ACTR3C: variants seen among roughly 807,000 people sequenced by gnomAD.
ACTR3C encodes the protein actin related protein 3C.
A neutral mutation model predicts 26.3 loss-of-function variants in ACTR3C; 18 were observed. The observed-to-expected ratio is 0.68, with a 90% CI of 0.47 to 1.01. ACTR3C has a LOEUF of 1.01. Among genes scored for constraint, ACTR3C ranks in the 50% least tolerant of loss-of-function variants. The probability of loss-of-function intolerance (pLI) is 0.00; values close to 1 mark genes in which losing one functional copy is unlikely to be tolerated. For missense variants in ACTR3C, 184 were observed against 250.7 expected, an observed-to-expected ratio of 0.73 and a Z score of 1.80; for synonymous variants, 55 against 94.5, an observed-to-expected ratio of 0.58 and a Z score of 2.42.
chr7:150,189,001 A>G, the ACTR3C span, among the ~76,000 whole-genome samples: 41 of 150,880 alleles, frequency 2.7e-4, no homozygotes, highest in East Asian at 6.4e-3. Flanking sequence ...ATGCTTTTTA[A>G]AACATGAGTT....
chr7:149,983,239 G>C, the ACTR3C span, among the ~76,000 whole-genome samples: 5 of 151,448 alleles, frequency 3.3e-5, no homozygotes, highest in South Asian at 4.2e-4. Context: ...GACACCAAAA[G>C]CACAAGAAAC....
At chr7:150,308,364 G>A (rs942963642) in intron 1 of ACTR3C, among the ~76,000 whole-genome samples, 5 of 151,976 alleles carry the variant, frequency 3.3e-5, no homozygotes, top group Non-Finnish European at 5.9e-5. Flanking sequence ...ACTCCGCTTG[G>A]CCCCAATACA....
At chr7:150,100,695 G>GTT in the ACTR3C span, among the ~76,000 whole-genome samples, 5 of 122,090 alleles carry the variant, frequency 4.1e-5, no homozygotes, top group Non-Finnish European at 9.2e-5. Flanking sequence ...AGGAGCTTGA[G>GTT]TTTTTCTTTC....
the ACTR3C span, among the ~76,000 whole-genome samples, chr7:150,101,487 G>T: frequency 6.6e-6 from 1 of 151,744 alleles, no homozygotes; most frequent in South Asian, 2.1e-4. Context: ...CATTGATACT[G>T]CTCGAGAAGA....
the ACTR3C span, among the ~76,000 whole-genome samples, chr7:149,905,443 G>C: frequency 2.0e-5 from 3 of 149,108 alleles, no homozygotes; most frequent in Admixed American, 6.7e-5. Flanking sequence ...AAAAAATATA[G>C]AAAGTCTTTA....
chr7:149,992,583 C>T, the ACTR3C span, among the ~76,000 whole-genome samples: 5 of 152,220 alleles, frequency 3.3e-5, no homozygotes, highest in Non-Finnish European at 7.3e-5. Flanking sequence ...GATTATCCAT[C>T]AGCTACAGGT....
the ACTR3C span, among the ~76,000 whole-genome samples, chr7:150,129,116 TGA>T: frequency 1.3e-5 from 2 of 151,556 alleles, no homozygotes; most frequent in African/African-American, 4.9e-5. Flanking sequence ...TGTAAAAATG[TGA>T]GTGTGAAATG....
At chr7:150,075,894 T>C in the ACTR3C span, among the ~76,000 whole-genome samples, 112,624 of 151,850 alleles carry the variant, frequency 0.74, 41,837 homozygotes, top group East Asian at 0.82. Flanking sequence ...CTCACACTCA[T>C]GGGGAGACGA....
At chr7:150,036,034 A>G in the ACTR3C span, among the ~76,000 whole-genome samples, 40 of 103,104 alleles carry the variant, frequency 3.9e-4, 1 homozygote, top group African/African-American at 1.5e-3. Context: ...CTAAGAGCAA[A>G]GGTGGGAAGA....
the ACTR3C span, among the ~76,000 whole-genome samples, chr7:149,923,220 T>C: frequency 5.3e-5 from 8 of 151,728 alleles, no homozygotes; most frequent in East Asian, 1.5e-3. Context: ...AATACATATA[T>C]ATGTAAATAT....
the ACTR3C span, among the ~76,000 whole-genome samples, chr7:150,113,452 T>C: frequency 8.1e-3 from 1,231 of 151,894 alleles, 16 homozygotes; most frequent in African/African-American, 0.027. Context: ...CTAAGCCTGT[T>C]AGTTCACAAG....
the ACTR3C span, among the ~76,000 whole-genome samples, chr7:149,990,244 C>T: frequency 0.012 from 1,760 of 151,474 alleles, 28 homozygotes; most frequent in African/African-American, 0.031. Context: ...CCTTCACCCA[C>T]GTGCACCCCC....
the ACTR3C span, among the ~76,000 whole-genome samples, chr7:150,206,402 G>GT: frequency 1.5e-4 from 23 of 151,860 alleles, no homozygotes; most frequent in African/African-American, 3.6e-4. Flanking sequence ...TGTGGGTGGG[G>GT]TTTTTTTTAT....
chr7:150,071,281 G>A, the ACTR3C span, among the ~76,000 whole-genome samples: 109,192 of 149,634 alleles, frequency 0.73, 39,773 homozygotes, highest in East Asian at 0.76. Context: ...CCGCCACCGC[G>A]CCCAGCTAAT....
the ACTR3C span, among the ~76,000 whole-genome samples, chr7:149,919,210 C>T: frequency 6.6e-6 from 1 of 151,396 alleles, no homozygotes; most frequent in Non-Finnish European, 1.5e-5. Context: ...CTTTCTTTTA[C>T]TGTGCATTTG....
the ACTR3C span, among the ~76,000 whole-genome samples, chr7:149,973,232 G>A: frequency 6.6e-6 from 1 of 152,200 alleles, no homozygotes; most frequent in Non-Finnish European, 1.5e-5. Flanking sequence ...GGGGGTGAAG[G>A]AGCACACGGG....
At chr7:149,927,269 A>T in the ACTR3C span, among the ~76,000 whole-genome samples, 1 of 152,104 alleles carries the variant, frequency 6.6e-6, no homozygotes, top group African/African-American at 2.4e-5. Context: ...AAGATTTTTT[A>T]AAATGCTGCA....
chr7:150,253,562 T>C (rs1398443958), intron 6 of ACTR3C, among the ~76,000 whole-genome samples: 1 of 152,174 alleles, frequency 6.6e-6, no homozygotes, highest in Non-Finnish European at 1.5e-5. Flanking sequence ...TGGTTTTTTG[T>C]GGATTGATTT....
At chr7:150,241,575 G>A (rs1203358275), downstream of ACTR3C, among the ~76,000 whole-genome samples, 1 of 152,064 alleles carries the variant, frequency 6.6e-6, no homozygotes, top group East Asian at 1.9e-4. Flanking sequence ...TTGCAAACAT[G>A]AGACCGGCAA....
Sources: gnomAD v4.1 joint callset for allele counts (sites outside exome capture counted in the v4.1 genomes callset) on GRCh38, gnomAD v4.1.1 for gene constraint, MANE v1.5 for transcripts, NCBI Gene and HGNC (gene_info 2026-07-23, HGNC 2026-07-21) for gene names.